MET: variants seen among roughly 807,000 people sequenced by gnomAD.
MET encodes hepatocyte growth factor receptor.
A neutral mutation model predicts 133.1 loss-of-function variants in MET; 48 were observed. The ratio of observed to expected loss-of-function variants is 0.36; its 90% CI spans 0.29 to 0.46. The LOEUF (loss-of-function observed/expected upper bound fraction) is 0.46. MET is among the 20% of genes least tolerant of loss of function. MET has a pLI of 1.00. For missense variants in MET, 1,442 were observed against 1,695.9 expected (o/e 0.85, Z 2.63); for synonymous variants, 628 against 616.5 (o/e 1.02, Z -0.28).
At chr7:116,725,387 A>T (rs936339140) in intron 2 of MET, among the ~76,000 whole-genome samples, 1 of 151,840 alleles carries the variant, frequency 6.6e-6, no homozygotes, top group Non-Finnish European at 1.5e-5. Flanking sequence ...TGGGGTGGGG[A>T]AAATTCTTAA....
intron 1 of MET, among the ~76,000 whole-genome samples, chr7:116,673,154 A>T (rs10240033): frequency 6.6e-6 from 1 of 152,316 alleles, no homozygotes; most frequent in South Asian, 2.1e-4. Flanking sequence ...CCAGAGGCTG[A>T]GCGATGTGGC....
intron 2 of MET, among the ~76,000 whole-genome samples, chr7:116,726,139 A>ATCTG (rs1792742953): frequency 9.9e-6 from 1 of 101,106 alleles, no homozygotes; most frequent in African/African-American, 3.8e-5. Flanking sequence ...ATGACTATAT[A>ATCTG]TATGTATATA....
chr7:116,681,031 G>A (rs997042787), intron 1 of MET, among the ~76,000 whole-genome samples: 8 of 152,024 alleles, frequency 5.3e-5, no homozygotes, highest in African/African-American at 1.7e-4. Context: ...GAAATGGTGG[G>A]AAAATTTAGA....
chr7:116,765,286 CAAAAAAA>C (rs754418396), intron 11 of MET, among the ~76,000 whole-genome samples: 1 of 31,876 alleles, frequency 3.1e-5, no homozygotes. Context: ...GGAGACAGAG[CAAAAAAA>C]AAAAAAAAAA....
In MET at chr7:116,757,557, CTATCA is replaced by C; in HGVS notation, c.1965+20_1965+24del. Reference sequence around the variant, plus strand: ...CCTATGTGGTAAGGAAGATTCTATCCTATCATGTTTGATTTTTACTTAATCTATTT... The same window carrying C: ...CCTATGTGGTAAGGAAGATTCTATCCTGTTTGATTTTTACTTAATCTATTT... On this transcript the variant is annotated intron_variant, in intron 7 of 20. Coordinates refer to ENST00000397752, the MANE Select transcript of MET (RefSeq NM_000245.4). 6.2e-7 allele frequency: 1 copy of C among 1,612,672 alleles called. No individual in the cohort carries two copies. Among genetic ancestry groups the C allele is most frequent in the Non-Finnish European group, 8.5e-7 (1 of 1,178,832 alleles).
chr7:116,781,127 T>C (rs916713398), intron 17 of MET, among the ~76,000 whole-genome samples: 2 of 152,154 alleles, frequency 1.3e-5, no homozygotes, highest in Admixed American at 6.5e-5. Context: ...ACTAGAACTA[T>C]CCTCGGAGCC....
Position 116,724,989 on chromosome 7 carries a change from A to G in MET, c.1201-6679A>G, listed in dbSNP as rs981408928. On this transcript the variant is annotated intron_variant, in intron 2 of 20. Transcript: ENST00000397752. Reference sequence around the variant, plus strand: ...AAATGCTAAGGTCATGCAACTCATCAATGCCTCCCTGGGGTAGAACCAGCC... The same window carrying G: ...AAATGCTAAGGTCATGCAACTCATCGATGCCTCCCTGGGGTAGAACCAGCC... The G allele has an allele frequency of 3.7e-5, 24 of 643,554 alleles. No homozygotes were observed. In the Admixed American group the frequency reaches 8.4e-4, roughly 23 times the overall value. 39.9% of individuals were successfully genotyped at this position (643,554 alleles called of 1,614,324 possible).
chr7:116,740,135 A>T, intron 4 of MET, 51 bp downstream of exon 4: 1 of 1,608,268 alleles, frequency 6.2e-7, no homozygotes, highest in Non-Finnish European at 8.5e-7. Flanking sequence ...TCCCAAATGC[A>T]TATTTACAAC....
intron 3 of MET, among the ~76,000 whole-genome samples, chr7:116,739,563 G>T (rs916464530): frequency 6.6e-6 from 1 of 152,162 alleles, no homozygotes; most frequent in East Asian, 1.9e-4. Context: ...CTGGCAGGGA[G>T]GATTAAGAGG....
chr7:116,681,478 T>C (rs1050002265), intron 1 of MET, among the ~76,000 whole-genome samples: 1 of 152,240 alleles, frequency 6.6e-6, no homozygotes, highest in Non-Finnish European at 1.5e-5. Context: ...GGGATATATA[T>C]TAGCTTTCCT....
chr7:116,772,115 C>T lies in MET; in HGVS notation c.3028+126C>T, dbSNP rs937470438. On this transcript the variant is annotated intron_variant, in intron 14 of 20. Transcript: ENST00000397752. ...AACCTAAAGGAAGTATTTACCTCTG[C>T]CAAGTAAGTATTTGACACAAAATTA... The T allele has an allele frequency of 8.3e-5, 84 of 1,008,634 alleles. No homozygotes were observed. The African/African-American group carries it at 1.3e-3, about 15-fold the overall frequency. 62.5% of individuals were successfully genotyped at this position (1,008,634 alleles called of 1,614,324 possible). A position where few individuals can be genotyped will look rare whatever the true frequency, so the allele number is the denominator to read the frequency against.
In MET at chr7:116,769,770, G is replaced by A; in HGVS notation, c.2709G>A (p.Leu903=). The change falls in exon 12 of 21, where the codon TTG becomes TTA. Residue 903 remains leucine, a synonymous_variant. Coordinates refer to ENST00000397752, the MANE Select transcript of MET (RefSeq NM_000245.4). ...CGGTCCCCAATGACCTGCTGAAATT[G>A]AACAGCGAGCTAAATATAGAGGTGG... ...LCTVPNDLLK[L]NSELNIEWKQ... is the part of the protein sequence containing the mutation. The A allele has an allele frequency of 6.2e-7, 1 of 1,613,764 alleles. No individual in the cohort carries two copies. The highest frequency in any genetic ancestry group is 8.5e-7 in the Non-Finnish European group (1 of 1,179,804).
chr7:116,699,345 G>T lies in MET; in HGVS notation c.261G>T (p.Gly87=), dbSNP rs2116584241. 6.2e-7 allele frequency: 1 copy of T among 1,613,998 alleles called. No homozygotes were observed. Among genetic ancestry groups the T allele is most frequent in the Admixed American group, 1.7e-5 (1 of 59,980 alleles). The change falls in exon 2 of 21, where the codon GGG becomes GGT. Residue 87 remains glycine (G), a synonymous_variant. Transcript: ENST00000397752. ...AGAAGGTTGCTGAGTACAAGACTGG[G>T]CCTGTGCTGGAACACCCAGATTGTT... The part of the protein sequence containing the change: ...DLQKVAEYKT[G]PVLEHPDCFP...
intron 6 of MET, among the ~76,000 whole-genome samples, chr7:116,756,325 A>G (rs1350848955): frequency 6.6e-6 from 1 of 152,252 alleles, no homozygotes; most frequent in Admixed American, 6.5e-5. Flanking sequence ...TTAAAGTTTT[A>G]TGGTTGAATC....
In MET at chr7:116,796,344, C is replaced by T. The variant is rs1310613010; in HGVS notation, c.*220C>T. ...AGGCCACGGACCAATGGCCTGCAGCCGTGACAACACTCCTGTCATATTGGA... is the reference window on the plus strand; with the variant it reads ...AGGCCACGGACCAATGGCCTGCAGCTGTGACAACACTCCTGTCATATTGGA... On this transcript the variant is annotated 3_prime_UTR_variant, in exon 21 of 21. Coordinates refer to ENST00000397752, the MANE Select transcript of MET (RefSeq NM_000245.4). 21 of 577,822 alleles carry T rather than the reference C, an allele frequency of 3.6e-5. No homozygotes were observed. The highest frequency in any genetic ancestry group is 4.7e-4 in the Middle Eastern group (1 of 2,134). 35.8% of individuals were successfully genotyped at this position (577,822 alleles called of 1,614,324 possible). A position where few individuals can be genotyped will look rare whatever the true frequency, so the allele number is the denominator to read the frequency against.
rs953407799 is a variant in MET, at chr7:116,714,683, A to C, written c.1200+14399A>C. Among the ~76,000 whole-genome samples the C allele has an allele frequency of 2.0e-5, 3 of 152,056 alleles. No homozygotes were observed. The East Asian group carries it at 5.8e-4, about 29-fold the overall frequency. The stretch of plus-strand genomic sequence containing the variant: ...ATAGCCTGTTTTTATATTCTCAACA[A>C]GTGAAAACTTATTTTGTTTATATTT... On this transcript the variant is annotated intron_variant, in intron 2 of 20. Transcript: ENST00000397752.
intron 5 of MET, among the ~76,000 whole-genome samples, chr7:116,749,823 A>C (rs957018595): frequency 6.6e-6 from 1 of 152,168 alleles, no homozygotes; most frequent in African/African-American, 2.4e-5. Context: ...TAATAGACAA[A>C]CAGAGAGCCA....
intron 3 of MET, among the ~76,000 whole-genome samples, chr7:116,738,389 A>T (rs546657400): frequency 1.3e-5 from 2 of 152,154 alleles, no homozygotes; most frequent in Admixed American, 1.3e-4. Context: ...TGTAACCAGT[A>T]CCCAAAGGGA....
chr7:116,772,497 A>G (rs897820211), intron 14 of MET, among the ~76,000 whole-genome samples: 2 of 152,168 alleles, frequency 1.3e-5, no homozygotes, highest in African/African-American at 4.8e-5. Context: ...GAAAACCTTC[A>G]ATTATGCCAT....
Sources: gnomAD v4.1 joint callset for allele counts (sites outside exome capture counted in the v4.1 genomes callset) on GRCh38, gnomAD v4.1.1 for gene constraint, MANE v1.5 for transcripts, NCBI Gene and HGNC (gene_info 2026-07-23, HGNC 2026-07-21) for gene names.